The following CADM2 variants were observed in gnomAD, a reference collection of about 807,000 sequenced individuals.
CADM2 encodes immunoglobulin superfamily member 4D.
A neutral mutation model predicts 49.8 loss-of-function variants in CADM2; 12 were observed. That is an observed-to-expected ratio of 0.24 (90% CI 0.15 to 0.39). The LOEUF (loss-of-function observed/expected upper bound fraction) is 0.39. CADM2 is among the 10% of genes least tolerant of loss of function. The pLI is 1.00. For synonymous variants in CADM2, 214 were observed against 175.4 expected (o/e 1.22, Z -1.74); for missense variants, 378 against 492.3 (o/e 0.77, Z 2.20).
In CADM2 at chr3:85,087,906, A is replaced by G. The variant is rs546124111; in HGVS notation, c.61+128238A>G. On this transcript the variant is annotated intron_variant, in intron 1 of 9. Coordinates refer to ENST00000383699, the MANE Select transcript of CADM2 (RefSeq NM_001167675.2). The stretch of plus-strand genomic sequence containing the variant: ...TTACCAGTTTTGACATATTTCTGCT[A>G]CAGCACTGATTCTATTATTTTATTT... Among the ~76,000 whole-genome samples the G allele has an allele frequency of 6.6e-5, 10 of 152,296 alleles. No homozygotes were observed. In the South Asian group the frequency reaches 1.9e-3, roughly 28 times the overall value.
intron 1 of CADM2, among the ~76,000 whole-genome samples, chr3:85,186,205 G>C (rs11127882): frequency 0.18 from 26,704 of 152,054 alleles, 4,453 homozygotes; most frequent in African/African-American, 0.44. Context: ...TTCTTTTCTT[G>C]CCTTTCAGGG....
At chr3:85,129,994 T>G (rs991744567) in intron 1 of CADM2, among the ~76,000 whole-genome samples, 1 of 152,200 alleles carries the variant, frequency 6.6e-6, no homozygotes, top group Non-Finnish European at 1.5e-5. Context: ...TGTATCAGAA[T>G]GTAGCCAGGT....
chr3:85,535,712 C>A (rs2061408874), intron 1 of CADM2, among the ~76,000 whole-genome samples: 1 of 152,086 alleles, frequency 6.6e-6, no homozygotes, highest in Non-Finnish European at 1.5e-5. Flanking sequence ...CTTTTCAAAG[C>A]AGCTTCTGTT....
At chr3:85,489,744 G>A (rs1642409816) in intron 1 of CADM2, among the ~76,000 whole-genome samples, 3 of 16,594 alleles carry the variant, frequency 1.8e-4, no homozygotes. Flanking sequence ...ATTATTTAAC[G>A]TGTGTGTGTG....
chr3:85,109,171 T>A (rs1490763740), intron 1 of CADM2, among the ~76,000 whole-genome samples: 1 of 151,960 alleles, frequency 6.6e-6, no homozygotes, highest in Non-Finnish European at 1.5e-5. Flanking sequence ...CTTTTCATGG[T>A]TGTATGCAAA....
chr3:85,059,493 T>G (rs377113616), intron 1 of CADM2, among the ~76,000 whole-genome samples: 2 of 152,228 alleles, frequency 1.3e-5, no homozygotes, highest in East Asian at 3.9e-4. Flanking sequence ...AAAGAAAATA[T>G]TTATTCCTGG....
chr3:85,492,867 G>A (rs1413482454), intron 1 of CADM2, among the ~76,000 whole-genome samples: 2 of 152,136 alleles, frequency 1.3e-5, no homozygotes, highest in Non-Finnish European at 2.9e-5. Flanking sequence ...GAGGTGCTAG[G>A]AAAGATTAGG....
intron 1 of CADM2, among the ~76,000 whole-genome samples, chr3:85,695,567 T>C (rs141689498): frequency 2.3e-3 from 344 of 151,830 alleles, no homozygotes; most frequent in African/African-American, 7.2e-3. Flanking sequence ...TATATATATA[T>C]ACACATATAT....
chr3:85,982,919 T>C (rs765673742), intron 8 of CADM2, among the ~76,000 whole-genome samples: 6 of 151,700 alleles, frequency 4.0e-5, no homozygotes, highest in Non-Finnish European at 8.9e-5. Context: ...TATTCAATAA[T>C]TTGAAATCAA....
intron 2 of CADM2, among the ~76,000 whole-genome samples, chr3:85,735,417 G>T (rs1559622097): frequency 1.3e-5 from 2 of 152,092 alleles, no homozygotes; most frequent in Non-Finnish European, 2.9e-5. Context: ...CATGAGCCTG[G>T]GACAGTATGT....
chr3:85,055,370 A>T (rs1559637787), intron 1 of CADM2, among the ~76,000 whole-genome samples: 1 of 151,950 alleles, frequency 6.6e-6, no homozygotes, highest in Non-Finnish European at 1.5e-5. Flanking sequence ...GCCATGAAAA[A>T]TCTGTTTTCA....
chr3:85,103,707 G>A (rs1485360511), intron 1 of CADM2, among the ~76,000 whole-genome samples: 1 of 152,106 alleles, frequency 6.6e-6, no homozygotes, highest in Non-Finnish European at 1.5e-5. Context: ...TGGACATCTG[G>A]CAAGGGGGGA....
chr3:85,193,730 A>G (rs1366510137), intron 1 of CADM2, among the ~76,000 whole-genome samples: 3 of 152,052 alleles, frequency 2.0e-5, no homozygotes, highest in African/African-American at 7.2e-5. Flanking sequence ...AGATTTGATC[A>G]TATTGGGCCC....
At chr3:85,109,797 G>A (rs1427820385) in intron 1 of CADM2, among the ~76,000 whole-genome samples, 1 of 151,838 alleles carries the variant, frequency 6.6e-6, no homozygotes, top group Non-Finnish European at 1.5e-5. Flanking sequence ...TGATATATTG[G>A]TTCACCATGT....
intron 5 of CADM2, among the ~76,000 whole-genome samples, chr3:85,908,227 C>T (rs1577629860): frequency 7.1e-6 from 1 of 141,646 alleles, no homozygotes; most frequent in African/African-American, 2.6e-5. Context: ...GCAAGAAAAT[C>T]AAGATATCTT....
chr3:85,641,062 A>C (rs1294825070), intron 1 of CADM2, among the ~76,000 whole-genome samples: 2 of 152,216 alleles, frequency 1.3e-5, no homozygotes, highest in African/African-American at 2.4e-5. Flanking sequence ...CAACTTTGTA[A>C]CATAGAGCAT....
chr3:85,016,033 G>C (rs959818272), intron 1 of CADM2, among the ~76,000 whole-genome samples: 1 of 152,158 alleles, frequency 6.6e-6, no homozygotes, highest in East Asian at 1.9e-4. Flanking sequence ...GATCAATTTT[G>C]AGCAATGAAG....
intron 3 of CADM2, among the ~76,000 whole-genome samples, chr3:85,852,698 T>C (rs1020953838): frequency 3.3e-5 from 5 of 152,110 alleles, no homozygotes; most frequent in African/African-American, 1.2e-4. Flanking sequence ...ATGCAAAACA[T>C]TTTATAACTA....
At position 85,927,303 on chromosome 3, in the gene CADM2, T is replaced by C. The variant is rs531965806; in HGVS notation, c.701-8464T>C. Among the ~76,000 whole-genome samples the C allele has an allele frequency of 5.3e-5, 8 of 152,326 alleles. No homozygotes were observed. The East Asian group carries it at 1.5e-3, about 29-fold the overall frequency. On this transcript the variant is annotated intron_variant, in intron 6 of 9. Transcript: ENST00000383699. ...AGTTATTCTAGGACATGAGGATAAGTCAGTGTACAAGATAAAAGATGATCT... is the reference window on the plus strand; with the variant it reads ...AGTTATTCTAGGACATGAGGATAAGCCAGTGTACAAGATAAAAGATGATCT...
Sources: allele counts gnomAD v4.1 joint callset (sites outside exome capture counted in the v4.1 genomes callset), GRCh38; gene constraint gnomAD v4.1.1; transcripts MANE v1.5; gene names NCBI Gene and HGNC (gene_info 2026-07-23, HGNC 2026-07-21).